ATXN3: variants seen among roughly 807,000 people sequenced by gnomAD.
The protein encoded by ATXN3 is ataxin 3, also known as ataxin-3.
ATXN3 carries 28 observed loss-of-function variants against 58.2 expected under a neutral mutation model. The observed-to-expected ratio is 0.48, with a 90% confidence interval of 0.36 to 0.66. The LOEUF (loss-of-function observed/expected upper bound fraction) is 0.66, where lower values mean the gene tolerates loss of function less well. Among genes scored for constraint, ATXN3 ranks in the 30% least tolerant of loss-of-function variants. The pLI is 0.00. For synonymous variants in ATXN3, 113 were observed against 138.5 expected (o/e 0.82, Z 1.29); for missense variants, 321 against 422.1 (o/e 0.76, Z 2.10).
At chr14:92,050,143 C>CGTGTGT (rs35730721), upstream of ATXN3, among the ~76,000 whole-genome samples, 1,742 of 147,670 alleles carry the variant, frequency 0.012, 23 homozygotes, top group African/African-American at 0.039. Context: ...ACTTTGCTCT[C>CGTGTGT]GTGTGTGTGT....
chr14:92,049,969 T>C (rs549075804), upstream of ATXN3, among the ~76,000 whole-genome samples: 11 of 152,308 alleles, frequency 7.2e-5, no homozygotes, highest in South Asian at 2.1e-3. Flanking sequence ...CAGGCAAGGA[T>C]GGCTAGTGCA....
chr14:92,086,442 G>A (rs1566954932), intron 6 of ATXN3, among the ~76,000 whole-genome samples: 1 of 151,602 alleles, frequency 6.6e-6, no homozygotes, highest in African/African-American at 2.4e-5. Context: ...GCACATGCCT[G>A]TAAATCCAGC....
At chr14:92,058,225 A>G (rs1053052310), downstream of ATXN3, 4 of 152,182 alleles carry the variant, frequency 2.6e-5, no homozygotes, top group African/African-American at 9.7e-5. Flanking sequence ...GCTTCACTCT[A>G]TACTTTAGTG....
At chr14:92,082,161 G>T in intron 8 of ATXN3, 139 bp downstream of exon 8, 1 of 877,392 alleles carries the variant, frequency 1.1e-6, no homozygotes, top group East Asian at 2.7e-5. Context: ...GAAATCTAAA[G>T]GGAAAGCCCA....
At chr14:92,103,026 A>G (rs545095173) in intron 1 of ATXN3, among the ~76,000 whole-genome samples, 1 of 152,094 alleles carries the variant, frequency 6.6e-6, no homozygotes, top group Admixed American at 6.5e-5. Context: ...CAGCAAGTTT[A>G]GATATTATTA....
chr14:92,058,156 G>A (rs10148817), downstream of ATXN3, among the ~76,000 whole-genome samples: 1,837 of 152,298 alleles, frequency 0.012, 40 homozygotes, highest in African/African-American at 0.04. Context: ...GCTGGCCTGC[G>A]TTATTCATAT....
At chr14:92,096,989 G>T (rs1160574677) in intron 1 of ATXN3, 151 bp from the exon 2 acceptor site, 2 of 630,882 alleles carry the variant, frequency 3.2e-6, no homozygotes, top group Admixed American at 5.5e-5. Flanking sequence ...CTCACTGCAA[G>T]CTCCGCCACC....
At chr14:92,106,446 C>A in intron 1 of ATXN3, 83 bp downstream of exon 1, 1 of 1,581,234 alleles carries the variant, frequency 6.3e-7, no homozygotes, top group South Asian at 1.1e-5. Context: ...CGGGCCCCAC[C>A]CAGCCCTCCG....
chr14:92,084,149 T>G (rs1275207624), intron 6 of ATXN3, among the ~76,000 whole-genome samples: 1 of 152,196 alleles, frequency 6.6e-6, no homozygotes, highest in Non-Finnish European at 1.5e-5. Context: ...CTTCACCTTG[T>G]GATCATACGA....
In ATXN3 at chr14:92,088,799, G is replaced by A. The variant is rs144152152; in HGVS notation, c.406C>T (p.Leu136Phe). 5.6e-6 allele frequency: 9 copies of A among 1,610,446 alleles called. No homozygotes were observed. The highest frequency in any genetic ancestry group is 6.8e-6 in the Non-Finnish European group (8 of 1,177,298). Residue 136 changes from leucine (L) to phenylalanine (F), a missense_variant, in exon 6 of 11, where the codon CTC (leucine) becomes TTC (phenylalanine). Leu to Phe is a conservative substitution (Grantham distance 22, BLOSUM62 0). This residue lies in a region of ATXN3 where 121 missense variants were observed against 198.9 expected (regional missense o/e 0.61). Transcript: ENST00000644486. The stretch of plus-strand genomic sequence containing the variant: ...GATATTAATTCTGGACCCGTCAAGA[G>A]AGAATTCAAGTTAAACCACTGGAAA... ...LGKQWFNLNS[L>F]LTGPELISDT...
In ATXN3 at chr14:92,061,827, A is replaced by G. The variant is rs1179226731; in HGVS notation, c.*2493T>C. 3 of 152,228 alleles carry G rather than the reference A, an allele frequency of 2.0e-5. No individual in the cohort carries two copies. The highest frequency in any genetic ancestry group is 4.4e-5 in the Non-Finnish European group (3 of 68,046). The allele number at this position is 152,228 out of a possible 1,614,324, so 9.4% of individuals were successfully genotyped here. A position where few individuals can be genotyped will look rare whatever the true frequency, so the allele number is the denominator to read the frequency against. On this transcript the variant is annotated 3_prime_UTR_variant, in exon 11 of 11. Coordinates refer to ENST00000644486, the MANE Select transcript of ATXN3 (RefSeq NM_004993.6). ...TTAAGAAATGGAATCTAAACAGTCAATTAAATTTAAGCCAACCCCACCAAG... is the reference window on the plus strand; with the variant it reads ...TTAAGAAATGGAATCTAAACAGTCAGTTAAATTTAAGCCAACCCCACCAAG...
At chr14:92,093,049 ATT>A (rs2064240479) in intron 5 of ATXN3, among the ~76,000 whole-genome samples, 1 of 131,794 alleles carries the variant, frequency 7.6e-6, no homozygotes, top group African/African-American at 3.0e-5. Flanking sequence ...TTTTTTATTT[ATT>A]TTTATTTTTA....
At chr14:92,051,619 A>C (rs1376208598), upstream of ATXN3, among the ~76,000 whole-genome samples, 2 of 110,998 alleles carry the variant, frequency 1.8e-5, no homozygotes, top group Non-Finnish European at 3.8e-5. Flanking sequence ...AAGGGCTTTT[A>C]CTTCTGCGAT....
chr14:92,074,593 T>C, intron 9 of ATXN3, among the ~76,000 whole-genome samples: 1 of 152,202 alleles, frequency 6.6e-6, no homozygotes, highest in East Asian at 1.9e-4. Context: ...TTACAGCTCT[T>C]CCTGCAAGTT....
chr14:92,055,854 G>A (rs1296987225), downstream of ATXN3, among the ~76,000 whole-genome samples: 3 of 152,136 alleles, frequency 2.0e-5, no homozygotes. The surrounding 1 kb of genome is among the most constrained non-coding windows in gnomAD (Gnocchi z 4.5). Context: ...CCAGCTATTC[G>A]GGTGGCTGAG....
chr14:92,087,362 A>G (rs12435687), intron 6 of ATXN3, among the ~76,000 whole-genome samples: 43,032 of 152,132 alleles, frequency 0.28, 6,435 homozygotes, highest in East Asian at 0.44. Flanking sequence ...AAGGCAAGAG[A>G]ATCACTTGAG....
chr14:92,097,565 A>G (rs1351781697), intron 1 of ATXN3, among the ~76,000 whole-genome samples: 2 of 142,492 alleles, frequency 1.4e-5, no homozygotes, highest in African/African-American at 5.3e-5. Flanking sequence ...TTGCTCTGTC[A>G]CCCAGCCTGG....
At position 92,060,559 on chromosome 14, in the gene ATXN3, G is replaced by A. The variant is rs1019892005; in HGVS notation, c.*3761C>T. 4.0e-5 allele frequency: 6 copies of A among 151,742 alleles called. No individual in the cohort carries two copies. Among genetic ancestry groups the A allele is most frequent in the African/African-American group, 7.3e-5 (3 of 41,252 alleles). The allele number at this position is 151,742 out of a possible 1,614,324, so 9.4% of individuals were successfully genotyped here. ...CAGGCGTGAGCCACTGCACCCAGCC[G>A]GGAGATCATCAATATTAACTATTGA... is the stretch of plus-strand genomic sequence containing the variant. On this transcript the variant is annotated 3_prime_UTR_variant, in exon 11 of 11. Coordinates refer to ENST00000644486, the MANE Select transcript of ATXN3 (RefSeq NM_004993.6).
intron 5 of ATXN3, among the ~76,000 whole-genome samples, chr14:92,091,459 G>GAAAA (rs766148892): frequency 3.7e-4 from 55 of 149,898 alleles, no homozygotes; most frequent in African/African-American, 9.0e-4. Flanking sequence ...TCAAAAGAAG[G>GAAAA]AAAGAAAGAA....
Sources: allele counts gnomAD v4.1 joint callset (sites outside exome capture counted in the v4.1 genomes callset), GRCh38; gene constraint gnomAD v4.1.1; regional missense constraint gnomAD v4.1.1; non-coding constraint Gnocchi (gnomAD v3.1); transcripts MANE v1.5; gene names NCBI Gene and HGNC (gene_info 2026-07-23, HGNC 2026-07-21).